Variants in TUBA1B observed in about 807,000 individuals in gnomAD.
TUBA1B encodes tubulin alpha-1B chain.
Under a neutral mutation model 34.4 loss-of-function variants are expected in TUBA1B, and 1 was observed. That is an observed-to-expected ratio of 0.03 (90% confidence interval 0.01 to 0.14). The LOEUF is 0.14. Ranked by LOEUF, TUBA1B falls within the 10% of genes least tolerant of loss-of-function variation. The probability of loss-of-function intolerance (pLI) is 1.00; values close to 1 mark genes in which losing one functional copy is unlikely to be tolerated. For synonymous variants in TUBA1B, 197 were observed against 212.5 expected (o/e 0.93, Z 0.64); for missense variants, 54 against 583.6 (o/e 0.09, Z 9.35).
intron 1 of TUBA1B, chr12:49,130,923 G>A (rs1022994806): frequency 3.5e-4 from 68 of 192,642 alleles, no homozygotes; most frequent in African/African-American, 1.5e-3. Flanking sequence ...AGGGCTGGAA[G>A]AGTCCGCGCG....
At chr12:49,130,027 C>G in intron 1 of TUBA1B, 2 of 1,157,804 alleles carry the variant, frequency 1.7e-6, no homozygotes. Context: ...ATTTCCTTTT[C>G]TAAAGCGATC....
intron 1 of TUBA1B, 94 bp downstream of exon 1, chr12:49,131,204 A>G: frequency 2.0e-6 from 3 of 1,500,918 alleles, no homozygotes; most frequent in Non-Finnish European, 1.8e-6. Flanking sequence ...CTCTGAGGCC[A>G]GCCCTTCCCG....
rs1941763299 is a variant in TUBA1B at position 49,127,790 on chromosome 12, T to C, written c.*168A>G. On this transcript the variant is annotated 3_prime_UTR_variant, in exon 4 of 4. Transcript: ENST00000336023. ...AACGCAGGAAACAAAGCTTTTGATG[T>C]TAATGACTTTACTTTGAGATATGAT... 9.0e-7 allele frequency: 1 copy of C among 1,105,290 alleles called. No homozygotes were observed. Among genetic ancestry groups the C allele is most frequent in the Non-Finnish European group, 1.3e-6 (1 of 777,660 alleles). The allele number at this position is 1,105,290 out of a possible 1,614,324, so 68.5% of individuals were successfully genotyped here. A position where few individuals can be genotyped will look rare whatever the true frequency, so the allele number is the denominator to read the frequency against.
chr12:49,131,311 G>A lies in TUBA1B; in HGVS notation c.-11C>T, dbSNP rs370897082. 77 of 1,611,184 alleles carry A rather than the reference G, an allele frequency of 4.8e-5. No individual in the cohort carries two copies. The South Asian group carries it at 7.2e-4, about 15-fold the overall frequency. ...CGGCTTACTCACCATAGTGGCTAGG[G>A]ATTAGGAGGCGAAGGCGACAGGAGC... On this transcript the variant is annotated 5_prime_UTR_variant, in exon 1 of 4. Coordinates refer to ENST00000336023, the MANE Select transcript of TUBA1B (RefSeq NM_006082.3).
At chr12:49,129,908 G>T in intron 1 of TUBA1B, 186 bp from the exon 2 acceptor site, 1 of 1,169,006 alleles carries the variant, frequency 8.6e-7, no homozygotes, top group Non-Finnish European at 1.2e-6. Flanking sequence ...AGCCTCTGGA[G>T]CAGCTGGGAC....
At chr12:49,129,458 G>A in intron 2 of TUBA1B, 42 bp downstream of exon 2, 2 of 1,613,730 alleles carry the variant, frequency 1.2e-6, no homozygotes, top group Non-Finnish European at 1.7e-6. Context: ...CAGACCTCCT[G>A]TCCCAGCATC....
intron 1 of TUBA1B, chr12:49,130,381 G>A: frequency 1.6e-6 from 2 of 1,287,094 alleles, no homozygotes; most frequent in Non-Finnish European, 1.0e-6. Context: ...CCGGGCGCGC[G>A]CTCTTGCGCC....
In TUBA1B at chr12:49,128,549, G is replaced by A; in HGVS notation, c.765C>T (p.Phe255=). 1 of 1,613,508 alleles carries A rather than the reference G, an allele frequency of 6.2e-7. No homozygotes were observed. The highest frequency in any genetic ancestry group is 1.1e-5 in the South Asian group (1 of 91,048). ...DGALNVDLTE[F]QTNLVPYPRI... ...GGGGGTAGGGCACCAGGTTGGTCTGGAATTCTGTCAGGTCAACATTCAGGG... is the reference window on the plus strand; with the variant it reads ...GGGGGTAGGGCACCAGGTTGGTCTGAAATTCTGTCAGGTCAACATTCAGGG... The change falls in exon 4 of 4, where the codon TTC becomes TTT. Residue 255 remains phenylalanine (F), a synonymous_variant. Transcript: ENST00000336023. The surrounding 1 kb of genome is among the most constrained non-coding windows in gnomAD (Gnocchi z 8.1).
rs747166037 is a variant in TUBA1B, at chr12:49,131,314, T to G, written c.-14A>C. 1.1e-5 allele frequency: 18 copies of G among 1,610,680 alleles called. 1 individual carries two copies. In the Admixed American group the frequency reaches 2.5e-4, roughly 22 times the overall value. ...CTTACTCACCATAGTGGCTAGGGAT[T>G]AGGAGGCGAAGGCGACAGGAGCAGA... On this transcript the variant is annotated 5_prime_UTR_variant, in exon 1 of 4. Coordinates refer to ENST00000336023, the MANE Select transcript of TUBA1B (RefSeq NM_006082.3).
In TUBA1B at chr12:49,127,958, T is replaced by C. The variant is rs374358841; in HGVS notation, c.1356A>G (p.Ter452=). ...CTGCAGGGCCAAAAGGAATGGATAA[T>C]TAGTATTCCTCTCCTTCTTCCTCAC... ...GEGEEEGEEY[*] is the part of the protein sequence containing the mutation. The change falls in exon 4 of 4, where the codon TAA becomes TAG. Residue 452 remains the stop codon, a stop_retained_variant. Transcript: ENST00000336023. 6.2e-5 allele frequency: 100 copies of C among 1,613,838 alleles called. No individual in the cohort carries two copies. The highest frequency in any genetic ancestry group is 8.5e-5 in the Non-Finnish European group (100 of 1,179,920).
intron 1 of TUBA1B, chr12:49,130,356 G>C (rs1249842442): frequency 7.0e-6 from 9 of 1,289,022 alleles, no homozygotes; most frequent in Non-Finnish European, 9.1e-6. Context: ...TGCGGCACAG[G>C]ATGAATGAGC....
intron 1 of TUBA1B, chr12:49,130,306 C>A: frequency 7.8e-7 from 1 of 1,289,232 alleles, no homozygotes; most frequent in Non-Finnish European, 1.0e-6. Context: ...CAGACCAGCG[C>A]AGAAGAAATG....
At chr12:49,131,223 C>G in intron 1 of TUBA1B, 75 bp downstream of exon 1, 1 of 1,548,928 alleles carries the variant, frequency 6.5e-7, no homozygotes, top group South Asian at 1.2e-5. Context: ...CGGCTGTATA[C>G]AGGGCCCCAG....
Position 49,128,366 on chromosome 12 carries a change from G to A in TUBA1B, c.948C>T (p.Cys316=). ...GAACCACGTCACCACGGTACAACAGGCAGCAAGCCATGTATTTACCATGGC... is the reference window on the plus strand; with the variant it reads ...GAACCACGTCACCACGGTACAACAGACAGCAAGCCATGTATTTACCATGGC... ...DPRHGKYMAC[C]LLYRGDVVPK... The change falls in exon 4 of 4, where the codon TGC becomes TGT. Residue 316 remains cysteine, a synonymous_variant. Coordinates refer to ENST00000336023, the MANE Select transcript of TUBA1B (RefSeq NM_006082.3). The surrounding 1 kb of genome is among the most constrained non-coding windows in gnomAD (Gnocchi z 8.1). 6.2e-7 allele frequency: 1 copy of A among 1,613,948 alleles called. No individual in the cohort carries two copies. Among genetic ancestry groups the A allele is most frequent in the Non-Finnish European group, 8.5e-7 (1 of 1,179,960 alleles).
chr12:49,131,154 C>T, intron 1 of TUBA1B, 144 bp downstream of exon 1: 1 of 1,048,768 alleles, frequency 9.5e-7, no homozygotes, highest in Non-Finnish European at 1.4e-6. Flanking sequence ...CCACTCCCGC[C>T]CTGGCCTCTC....
In TUBA1B at chr12:49,129,187, A is replaced by C. The variant is rs558154114; in HGVS notation, c.375+55T>G. 52 of 1,612,128 alleles carry C rather than the reference A, an allele frequency of 3.2e-5. No homozygotes were observed. The African/African-American group carries it at 6.5e-4, about 20-fold the overall frequency. On this transcript the variant is annotated intron_variant, in intron 3 of 3. Coordinates refer to ENST00000336023, the MANE Select transcript of TUBA1B (RefSeq NM_006082.3). ...TGAATGATGTCAGTCACTCCACCCA[A>C]CTTGCACTGGAACTATCACACCACA...
chr12:49,129,829 G>A (rs1364031210), intron 1 of TUBA1B, 107 bp from the exon 2 acceptor site: 22 of 1,517,894 alleles, frequency 1.4e-5, no homozygotes, highest in East Asian at 2.4e-5. Flanking sequence ...AAGGTCTGTC[G>A]CCCAGGCTTG....
chr12:49,129,442 C>T, intron 2 of TUBA1B, 52 bp from the exon 3 acceptor site: 1 of 1,613,736 alleles, frequency 6.2e-7, no homozygotes, highest in Non-Finnish European at 8.5e-7. Flanking sequence ...AAGAGAAGCC[C>T]CTGGACAGAC....
rs201677952 is a variant in TUBA1B at position 49,129,002 on chromosome 12, TC to T, written c.376-65del. Reference sequence around the variant, plus strand: ...GACACATTATCTTAGAATTTCTATTTCAACTTTTTAGATTACGAACCATATC... The same window carrying T: ...GACACATTATCTTAGAATTTCTATTTAACTTTTTAGATTACGAACCATATC... On this transcript the variant is annotated intron_variant, in intron 3 of 3. Coordinates refer to ENST00000336023, the MANE Select transcript of TUBA1B (RefSeq NM_006082.3). 9,256 of 1,542,688 alleles carry T rather than the reference TC, an allele frequency of 6.0e-3. 490 individuals carry two copies. In the African/African-American group the frequency reaches 0.11, roughly 19 times the overall value.
Sources: gnomAD v4.1 joint callset for allele counts on GRCh38, gnomAD v4.1.1 for gene constraint, Gnocchi (gnomAD v3.1) non-coding constraint, MANE v1.5 for transcripts, NCBI Gene and HGNC (gene_info 2026-07-23, HGNC 2026-07-21) for gene names.